Variants in FAM114A1 observed in about 807,000 individuals in gnomAD.
The protein encoded by FAM114A1 is protein NOXP20.
In FAM114A1, 62 loss-of-function variants were observed where a neutral mutation model predicts 64.3. The ratio of observed to expected loss-of-function variants is 0.96; its 90% confidence interval spans 0.79 to 1.19. The LOEUF is 1.19. FAM114A1 is among the 50% of genes most tolerant of loss of function. The pLI is 0.00. For synonymous variants in FAM114A1, 254 were observed against 251.1 expected (o/e 1.01, Z -0.11); for missense variants, 645 against 676.3 (o/e 0.95, Z 0.51).
At chr4:38,911,503 T>G (rs543458126) in intron 7 of FAM114A1, among the ~76,000 whole-genome samples, 80 of 152,364 alleles carry the variant, frequency 5.3e-4, no homozygotes, top group African/African-American at 1.9e-3. Context: ...CACTTTCAAT[T>G]GCTGTTATCT....
intron 13 of FAM114A1, among the ~76,000 whole-genome samples, chr4:38,937,933 C>T (rs56166046): frequency 0.25 from 38,158 of 151,802 alleles, 5,383 homozygotes; most frequent in African/African-American, 0.35. Flanking sequence ...GACAGGGTTT[C>T]ACCATGTTGG....
intron 14 of FAM114A1, among the ~76,000 whole-genome samples, chr4:38,943,054 G>A (rs568918545): frequency 2.6e-4 from 40 of 152,204 alleles, no homozygotes; most frequent in African/African-American, 7.7e-4. Context: ...TTAGCTGGGC[G>A]TGGTGGTGCA....
At chr4:38,941,836 T>C (rs999255852) in intron 14 of FAM114A1, among the ~76,000 whole-genome samples, 1 of 152,236 alleles carries the variant, frequency 6.6e-6, no homozygotes, top group African/African-American at 2.4e-5. Context: ...TGGCTGTCCA[T>C]TGCAAAATTT....
intron 10 of FAM114A1, among the ~76,000 whole-genome samples, 183 bp downstream of exon 10, chr4:38,929,516 G>A (rs569788104): frequency 8.5e-5 from 13 of 152,344 alleles, no homozygotes; most frequent in East Asian, 1.9e-4. Flanking sequence ...CGTGGCTCAC[G>A]CCTATAATCC....
intron 8 of FAM114A1, among the ~76,000 whole-genome samples, chr4:38,917,944 C>T (rs112149437): frequency 0.22 from 33,651 of 151,888 alleles, 4,029 homozygotes; most frequent in Middle Eastern, 0.38. Flanking sequence ...AGGCCAGGCG[C>T]GGTGACTCAC....
At chr4:38,881,341 C>T (rs1400882307) in intron 3 of FAM114A1, among the ~76,000 whole-genome samples, 3 of 152,264 alleles carry the variant, frequency 2.0e-5, no homozygotes, top group East Asian at 1.9e-4. Flanking sequence ...GGTACTCCAC[C>T]TTCCCCACCC....
chr4:38,932,781 G>A (rs190927075), intron 12 of FAM114A1, among the ~76,000 whole-genome samples: 1 of 152,150 alleles, frequency 6.6e-6, no homozygotes, highest in Admixed American at 6.5e-5. Context: ...ACAGGCATGA[G>A]CCACCATACC....
chr4:38,883,672 G>A (rs1214492739), intron 3 of FAM114A1, among the ~76,000 whole-genome samples: 3 of 152,240 alleles, frequency 2.0e-5, no homozygotes, highest in East Asian at 3.8e-4. Flanking sequence ...TTATGGTCAA[G>A]AGAGACAAGG....
At chr4:38,933,223 A>G (rs577923302) in intron 12 of FAM114A1, among the ~76,000 whole-genome samples, 4 of 152,338 alleles carry the variant, frequency 2.6e-5, no homozygotes, top group East Asian at 3.9e-4. Flanking sequence ...TCTAGGAATT[A>G]TTTATGAAGA....
At chr4:38,885,389 C>T (rs1316030141) in intron 3 of FAM114A1, among the ~76,000 whole-genome samples, 4 of 152,134 alleles carry the variant, frequency 2.6e-5, no homozygotes, top group Non-Finnish European at 5.9e-5. Context: ...GATCCTCTTG[C>T]TTCACCTTAC....
Position 38,931,138 on chromosome 4 carries a change from C to T in FAM114A1, c.1162-313C>T, listed in dbSNP as rs192442019. Among the ~76,000 whole-genome samples, 633 of 152,064 alleles carry T rather than the reference C, an allele frequency of 4.2e-3. 6 individuals are homozygous for T. Among genetic ancestry groups the T allele is most frequent in the South Asian group, 0.036 (175 of 4,812 alleles). ...TGGTCATGAAAAGTGAAAAATATACCATAGATTTTTCAATGTGACTGTCAT... is the reference window on the plus strand; with the variant it reads ...TGGTCATGAAAAGTGAAAAATATACTATAGATTTTTCAATGTGACTGTCAT... On this transcript the variant is annotated intron_variant, in intron 10 of 14. Transcript: ENST00000358869.
rs1488359423 is a variant in FAM114A1, at chr4:38,944,853, G to A, written c.*1296G>A. The A allele has an allele frequency of 6.6e-6, 1 of 151,694 alleles. No homozygotes were observed. Among genetic ancestry groups the A allele is most frequent in the Non-Finnish European group, 1.5e-5 (1 of 67,954 alleles). 9.4% of individuals were successfully genotyped at this position (151,694 alleles called of 1,614,324 possible). On this transcript the variant is annotated 3_prime_UTR_variant, in exon 15 of 15. Transcript: ENST00000358869. ...GCTACCCCGAGTCCGTGAAAAAATT[G>A]TCTTCCATGAAACCGGTCCCTGGTA...
chr4:38,916,082 G>C (rs7688468), intron 8 of FAM114A1, among the ~76,000 whole-genome samples: 9,575 of 152,206 alleles, frequency 0.063, 774 homozygotes, highest in African/African-American at 0.18. Context: ...ACCTTATCCT[G>C]TTATGTTTGG....
At chr4:38,942,090 TACTCAC>T (rs1489696407) in intron 14 of FAM114A1, among the ~76,000 whole-genome samples, 2 of 151,898 alleles carry the variant, frequency 1.3e-5, no homozygotes, top group African/African-American at 4.9e-5. Flanking sequence ...TCATGAGACT[TACTCAC>T]TATTACAAGA....
intron 8 of FAM114A1, among the ~76,000 whole-genome samples, chr4:38,921,753 G>A (rs941612988): frequency 6.6e-6 from 1 of 152,262 alleles, no homozygotes; most frequent in African/African-American, 2.4e-5. Flanking sequence ...CTCCTCTCAT[G>A]CCTGTCATAG....
At chr4:38,920,973 A>T (rs10030742) in intron 8 of FAM114A1, among the ~76,000 whole-genome samples, 73,482 of 152,120 alleles carry the variant, frequency 0.48, 19,807 homozygotes, top group African/African-American at 0.73. Flanking sequence ...CCTGGCAATG[A>T]GCTTTAGCAA....
Position 38,922,785 on chromosome 4 carries a change from G to T in FAM114A1, c.961G>T (p.Ala321Ser), listed in dbSNP as rs748129330. ...ESESKVQSFL[A>S]SLDGEKLELL... ...CTTTTTTCAGGTTCAGTCATTTTTA[G>T]CATCACTTGATGGAGAGAAGCTGGA... is the stretch of plus-strand genomic sequence containing the variant. Residue 321 changes from alanine (A) to serine (S), a missense_variant, in exon 9 of 15, where the codon GCA (alanine) becomes TCA (serine). Ala to Ser is a moderately conservative substitution (Grantham distance 99). Transcript: ENST00000358869. 3.7e-6 allele frequency: 6 copies of T among 1,609,962 alleles called. No individual in the cohort carries two copies. Among genetic ancestry groups the T allele is most frequent in the African/African-American group, 1.3e-5 (1 of 74,606 alleles).
At chr4:38,924,317 T>C (rs1346202244) in intron 9 of FAM114A1, among the ~76,000 whole-genome samples, 1 of 152,362 alleles carries the variant, frequency 6.6e-6, no homozygotes, top group Admixed American at 6.5e-5. Flanking sequence ...AAAGTAAAGG[T>C]GCAATAAAGT....
chr4:38,912,361 T>TAA (rs1359168370), intron 7 of FAM114A1, among the ~76,000 whole-genome samples: 1 of 151,956 alleles, frequency 6.6e-6, no homozygotes, highest in Non-Finnish European at 1.5e-5. Context: ...CAGGCAGCTT[T>TAA]AATTTCACTC....
Sources: allele counts gnomAD v4.1 joint callset (sites outside exome capture counted in the v4.1 genomes callset), GRCh38; gene constraint gnomAD v4.1.1; transcripts MANE v1.5; gene names NCBI Gene and HGNC (gene_info 2026-07-23, HGNC 2026-07-21).